SLC27A2: variants seen among roughly 807,000 people sequenced by gnomAD.
SLC27A2 encodes the protein solute carrier family 27 member 2.
A neutral mutation model predicts 60.0 loss-of-function variants in SLC27A2; 54 were observed. That is an observed-to-expected ratio of 0.90 (90% CI 0.72 to 1.13). SLC27A2 has a LOEUF of 1.13. Among genes scored for constraint, SLC27A2 ranks in the 50% most tolerant of loss-of-function variants. The pLI is 0.00. For missense variants in SLC27A2, 739 were observed against 777.6 expected (o/e 0.95, Z 0.59); for synonymous variants, 297 against 297.6 (o/e 1.00, Z 0.02).
At chr15:50,224,024 T>C (rs1224837086) in intron 5 of SLC27A2, among the ~76,000 whole-genome samples, 1 of 152,164 alleles carries the variant, frequency 6.6e-6, no homozygotes, top group East Asian at 1.9e-4. Context: ...GCTAGCTGAG[T>C]GACCTTGGGC....
At chr15:50,206,624 G>A (rs1324300793) in intron 4 of SLC27A2, among the ~76,000 whole-genome samples, 2 of 151,992 alleles carry the variant, frequency 1.3e-5, no homozygotes, top group Non-Finnish European at 2.9e-5. Flanking sequence ...GCATTTCATG[G>A]CACCTGTCAC....
intron 4 of SLC27A2, among the ~76,000 whole-genome samples, chr15:50,205,893 T>G (rs976587835): frequency 6.6e-6 from 1 of 152,200 alleles, no homozygotes; most frequent in Non-Finnish European, 1.5e-5. Flanking sequence ...TTTTACTTAA[T>G]GCTGTTTAAC....
chr15:50,213,446 A>T (rs2045172400), intron 4 of SLC27A2, among the ~76,000 whole-genome samples: 2 of 152,244 alleles, frequency 1.3e-5, no homozygotes. Flanking sequence ...ATACTTTGGA[A>T]CAAATGGACT....
chr15:50,236,191 G>A lies in SLC27A2; in HGVS notation c.*95G>A. The A allele has an allele frequency of 8.6e-7, 1 of 1,161,588 alleles. No homozygotes were observed. Among genetic ancestry groups the A allele is most frequent in the Non-Finnish European group, 1.2e-6 (1 of 844,424 alleles). 72.0% of individuals were successfully genotyped at this position (1,161,588 alleles called of 1,614,324 possible). On this transcript the variant is annotated 3_prime_UTR_variant, in exon 10 of 10. Transcript: ENST00000267842. Reference sequence around the variant, plus strand: ...CTTTAATTTGATTGAAGATTGTGAGGAAATTTTGTAGGAAATTTGCATACC... The same window carrying A: ...CTTTAATTTGATTGAAGATTGTGAGAAAATTTTGTAGGAAATTTGCATACC...
intron 4 of SLC27A2, among the ~76,000 whole-genome samples, chr15:50,222,342 C>G (rs1400483182): frequency 6.6e-6 from 1 of 152,216 alleles, no homozygotes; most frequent in Non-Finnish European, 1.5e-5. Flanking sequence ...TGGGGCAGGG[C>G]ATGGTCAAGA....
At position 50,202,572 on chromosome 15, in the gene SLC27A2, T is replaced by A; in HGVS notation, c.774T>A (p.Asp258Glu). 1 of 1,613,946 alleles carries A rather than the reference T, an allele frequency of 6.2e-7. No individual in the cohort carries two copies. Among genetic ancestry groups the A allele is most frequent in the South Asian group, 1.1e-5 (1 of 91,080 alleles). The stretch of plus-strand genomic sequence containing the variant: ...TTGTAAGCGGATTGAAGGCAGATGA[T>A]GTCATCTATATCACTCTGCCCTTTT... Reference protein sequence around the residue: ...LTFVSGLKADDVIYITLPFYH... With the variant: ...LTFVSGLKADEVIYITLPFYH... The change falls in exon 3 of 10, where the codon GAT (aspartate) becomes GAA (glutamate). Residue 258 changes from aspartate (D) to glutamate (E), a missense_variant. Coordinates refer to ENST00000267842, the MANE Select transcript of SLC27A2 (RefSeq NM_003645.4).
chr15:50,188,982 AATAGATAGATAGATAGATAG>A (rs199573332), intron 1 of SLC27A2, among the ~76,000 whole-genome samples: 1 of 135,422 alleles, frequency 7.4e-6, no homozygotes, highest in Non-Finnish European at 1.6e-5. Flanking sequence ...TAGATAGATA[AATAGATAGATAGATAGATAG>A]ATAGATAGAT....
rs2140913064 is a variant in SLC27A2 at position 50,227,059 on chromosome 15, G to A, written c.1338G>A (p.Glu446=). ...ATGCTGGAGCAAAGGCTCAGACAGA[G>A]AAGAAAAAACTGAGAGATGTCTTTA... is the stretch of plus-strand genomic sequence containing the variant. ...NGYAGAKAQT[E]KKKLRDVFKK... is the part of the protein sequence containing the mutation. The change falls in exon 7 of 10, where the codon GAG becomes GAA. Residue 446 remains glutamate, a synonymous_variant. Coordinates refer to ENST00000267842, the MANE Select transcript of SLC27A2 (RefSeq NM_003645.4). The A allele has an allele frequency of 6.2e-7, 1 of 1,614,170 alleles. No homozygotes were observed.
intron 4 of SLC27A2, among the ~76,000 whole-genome samples, chr15:50,220,604 C>A (rs963719005): frequency 6.6e-6 from 1 of 152,150 alleles, no homozygotes; most frequent in African/African-American, 2.4e-5. Context: ...CTCAGGTGAT[C>A]TTCTTTAAGC....
At chr15:50,198,217 G>A (rs1172727991) in intron 2 of SLC27A2, 2 of 151,250 alleles carry the variant, frequency 1.3e-5, no homozygotes, top group African/African-American at 2.5e-5. Context: ...CTAAAATACT[G>A]TATTTCATCA....
At chr15:50,202,940 G>A (rs1173843428) in intron 3 of SLC27A2, among the ~76,000 whole-genome samples, 1 of 151,650 alleles carries the variant, frequency 6.6e-6, no homozygotes, top group Non-Finnish European at 1.5e-5. Flanking sequence ...AGCACTTTGG[G>A]AGGCCAAGGC....
chr15:50,232,098 T>G, intron 8 of SLC27A2, among the ~76,000 whole-genome samples: 1 of 152,188 alleles, frequency 6.6e-6, no homozygotes, highest in East Asian at 1.9e-4. Flanking sequence ...CAGAGGCCAG[T>G]CCCATTCCAG....
intron 9 of SLC27A2, among the ~76,000 whole-genome samples, chr15:50,234,921 T>C (rs2045340179): frequency 1.3e-5 from 2 of 152,340 alleles, no homozygotes; most frequent in Non-Finnish European, 1.5e-5. Flanking sequence ...TGACCCTGTT[T>C]GTTGTTTCCA....
intron 4 of SLC27A2, among the ~76,000 whole-genome samples, chr15:50,217,013 G>A (rs188497398): frequency 1.9e-4 from 29 of 151,458 alleles, no homozygotes; most frequent in African/African-American, 6.8e-4. Flanking sequence ...ACCAGACATC[G>A]TATGTTCTTA....
At chr15:50,201,357 C>T (rs1214672930) in intron 2 of SLC27A2, among the ~76,000 whole-genome samples, 4 of 152,054 alleles carry the variant, frequency 2.6e-5, no homozygotes, top group Non-Finnish European at 5.9e-5. Flanking sequence ...GCCACGTGGA[C>T]GAGCTTCTTC....
intron 4 of SLC27A2, among the ~76,000 whole-genome samples, chr15:50,221,463 A>C (rs368456771): frequency 8.5e-5 from 13 of 152,300 alleles, no homozygotes; most frequent in South Asian, 8.3e-4. Flanking sequence ...AGCTACTTAA[A>C]GATTAAATGT....
At chr15:50,204,060 C>T (rs890116114) in intron 3 of SLC27A2, among the ~76,000 whole-genome samples, 1 of 152,092 alleles carries the variant, frequency 6.6e-6, no homozygotes, top group African/African-American at 2.4e-5. Context: ...ATTTGAAATC[C>T]AAAATGCTCC....
chr15:50,183,994 C>CTTTT (rs577766814), intron 1 of SLC27A2, among the ~76,000 whole-genome samples: 5 of 91,136 alleles, frequency 5.5e-5, no homozygotes, highest in South Asian at 4.2e-4. Flanking sequence ...TTTCCTACAT[C>CTTTT]TTTTTTTTTT....
At chr15:50,231,520 A>G (rs556578042) in intron 8 of SLC27A2, among the ~76,000 whole-genome samples, 1 of 152,182 alleles carries the variant, frequency 6.6e-6, no homozygotes, top group African/African-American at 2.4e-5. Flanking sequence ...TTTAAAAAAA[A>G]ACACACACAC....
Sources: allele counts gnomAD v4.1 joint callset (sites outside exome capture counted in the v4.1 genomes callset), GRCh38; gene constraint gnomAD v4.1.1; transcripts MANE v1.5; gene names NCBI Gene and HGNC (gene_info 2026-07-23, HGNC 2026-07-21).